The following PCDHGA4 variants were observed in gnomAD, a reference collection of about 807,000 sequenced individuals.
PCDHGA4 encodes the protein protocadherin gamma subfamily A, 4, also known as protocadherin gamma-A4.
PCDHGA4 carries 38 observed loss-of-function variants against 54.6 expected under a neutral mutation model. The ratio of observed to expected loss-of-function variants is 0.70; its 90% CI spans 0.54 to 0.91. The LOEUF is 0.91. Among genes scored for constraint, PCDHGA4 ranks in the 40% least tolerant of loss-of-function variants. The pLI is 0.00. For missense variants in PCDHGA4, 1,298 were observed against 1,220.9 expected (o/e 1.06, Z -0.94); for synonymous variants, 511 against 512.9 (o/e 1.00, Z 0.05).
In PCDHGA4 at chr5:141,357,499, C is replaced by T. The variant is rs781648903; in HGVS notation, c.2392C>T (p.His798Tyr). The change falls in exon 1 of 4, where the codon CAC becomes TAC. Residue 798 changes from histidine to tyrosine, a missense_variant. Coordinates refer to ENST00000571252, the MANE Select transcript of PCDHGA4 (RefSeq NM_018917.4). Reference protein sequence around the residue: ...VSLTADSRKSHLIFSQPSYAD... With the variant: ...VSLTADSRKSYLIFSQPSYAD... The stretch of plus-strand genomic sequence containing the variant: ...CCTCACCGCGGACTCGCGGAAGAGT[C>T]ACCTGATCTTCTCCCAACCCAGCTA... The T allele has an allele frequency of 1.9e-6, 3 of 1,614,256 alleles. No individual in the cohort carries two copies. In the South Asian group the frequency reaches 3.3e-5, roughly 18 times the overall value.
chr5:141,375,639 C>T (rs1364618927), intron 1 of PCDHGA4: 2 of 1,614,126 alleles, frequency 1.2e-6, no homozygotes, highest in Non-Finnish European at 1.7e-6. Flanking sequence ...GCCCTGCGCT[C>T]CTTCGACTAT....
intron 1 of PCDHGA4, chr5:141,392,852 G>C: frequency 6.2e-7 from 1 of 1,611,984 alleles, no homozygotes; most frequent in East Asian, 2.2e-5. Flanking sequence ...GCGGCGAGCT[G>C]ATCCTGCTGT....
Position 141,400,095 on chromosome 5 carries a change from G to A in PCDHGA4, c.2514+42474G>A, listed in dbSNP as rs6873830. ...CGCCACTCTCCGCCACCGCCACGCT[G>A]CACTTGGTCTTTGCTGACAGCTTGC... On this transcript the variant is annotated intron_variant, in intron 1 of 3. Coordinates refer to ENST00000571252, the MANE Select transcript of PCDHGA4 (RefSeq NM_018917.4). 3.0e-3 allele frequency: 4,838 copies of A among 1,614,064 alleles called. 144 individuals are homozygous for A. The African/African-American group carries it at 0.056, about 19-fold the overall frequency.
chr5:141,497,512 T>C (rs903352739), intron 2 of PCDHGA4, among the ~76,000 whole-genome samples: 2 of 151,896 alleles, frequency 1.3e-5, no homozygotes, highest in Admixed American at 1.3e-4. Flanking sequence ...TCTGCTTCCT[T>C]AGTTAACTTG....
rs778052844 is a variant in PCDHGA4, at chr5:141,486,259, T to C, written c.2515-8548T>C. ...CAGAGCTTGGAACCCTCCCCGAGAG[T>C]GCAGAACCTGGCACTGTGGTGGCAC... is the stretch of plus-strand genomic sequence containing the variant. On this transcript the variant is annotated intron_variant, in intron 1 of 3. Coordinates refer to ENST00000571252, the MANE Select transcript of PCDHGA4 (RefSeq NM_018917.4). This position sits in a 1 kb window ranked among gnomAD's most constrained non-coding sequence, Gnocchi z 5.0. 1 of 1,613,204 alleles carries C rather than the reference T, an allele frequency of 6.2e-7. No individual in the cohort carries two copies. The highest frequency in any genetic ancestry group is 8.5e-7 in the Non-Finnish European group (1 of 1,179,716).
At chr5:141,375,155 G>T in intron 1 of PCDHGA4, 1 of 1,613,962 alleles carries the variant, frequency 6.2e-7, no homozygotes, top group South Asian at 1.1e-5. Context: ...AACAATTGCT[G>T]AAAGTGCACC....
chr5:141,494,925 G>T (rs936071950), intron 2 of PCDHGA4, 60 bp downstream of exon 2: 1 of 1,613,316 alleles, frequency 6.2e-7, no homozygotes. Flanking sequence ...GGGATGACGT[G>T]GGAGGAGATG....
At chr5:141,423,750 TGGGGGGGG>T in intron 1 of PCDHGA4, 1 of 287,524 alleles carries the variant, frequency 3.5e-6, no homozygotes, top group Non-Finnish European at 4.5e-6. Flanking sequence ...GAAAACTGTT[TGGGGGGGG>T]GGTGGGGCGG....
intron 1 of PCDHGA4, among the ~76,000 whole-genome samples, chr5:141,386,304 C>T (rs1239396408): frequency 6.6e-6 from 1 of 152,104 alleles, no homozygotes; most frequent in African/African-American, 2.4e-5. Flanking sequence ...TAGTAAAGCT[C>T]AGTATATCAA....
chr5:141,433,361 A>ATCTATCTATCTC, intron 1 of PCDHGA4: 1 of 297,578 alleles, frequency 3.4e-6, no homozygotes, highest in Non-Finnish European at 6.3e-6. Context: ...CTGTCTGCCT[A>ATCTATCTATCTC]TCTATCTATC....
At chr5:141,364,871 G>A (rs775321480) in intron 1 of PCDHGA4, 2 of 1,614,010 alleles carry the variant, frequency 1.2e-6, no homozygotes, top group Admixed American at 1.7e-5. Flanking sequence ...CTTCTCTCTG[G>A]ATGTGGTAAG....
chr5:141,366,422 G>A (rs1334545413), intron 1 of PCDHGA4: 6 of 1,614,152 alleles, frequency 3.7e-6, no homozygotes, highest in South Asian at 1.1e-5. Context: ...GGTGGCAGTG[G>A]CTGCAGTCTC....
intron 1 of PCDHGA4, among the ~76,000 whole-genome samples, chr5:141,448,434 GA>G (rs1297090877): frequency 1.3e-5 from 2 of 152,050 alleles, no homozygotes; most frequent in South Asian, 4.2e-4. Flanking sequence ...TATATATTGA[GA>G]AGTCTGACTT....
In PCDHGA4 at chr5:141,421,902, C is replaced by T. The variant is rs1218675162; in HGVS notation, c.2514+64281C>T. 4 of 1,613,706 alleles carry T rather than the reference C, an allele frequency of 2.5e-6. No homozygotes were observed. The South Asian group carries it at 3.3e-5, about 13-fold the overall frequency. On this transcript the variant is annotated intron_variant, in intron 1 of 3. Coordinates refer to ENST00000571252, the MANE Select transcript of PCDHGA4 (RefSeq NM_018917.4). Reference sequence around the variant, plus strand: ...ATGGAGGCGATCCCATCCGAAAGGGCGCAGTTCCCATTCGTGTGGTGGTCC... The same window carrying T: ...ATGGAGGCGATCCCATCCGAAAGGGTGCAGTTCCCATTCGTGTGGTGGTCC...
intron 1 of PCDHGA4, among the ~76,000 whole-genome samples, chr5:141,448,393 A>G (rs190525499): frequency 6.6e-6 from 1 of 152,306 alleles, no homozygotes; most frequent in Admixed American, 6.5e-5. Flanking sequence ...ATACATTTAC[A>G]TGGTTTTAAA....
chr5:141,400,048 G>A (rs760963865), intron 1 of PCDHGA4: 3 of 1,613,664 alleles, frequency 1.9e-6, no homozygotes, highest in Non-Finnish European at 2.5e-6. Context: ...CCTGCTGGTT[G>A]CTGTGCGTGA....
At chr5:141,398,928 T>C in intron 1 of PCDHGA4, 4 of 1,613,962 alleles carry the variant, frequency 2.5e-6, no homozygotes, top group Non-Finnish European at 3.4e-6. Flanking sequence ...TGTCAGCCAC[T>C]GACCAAGACG....
At chr5:141,424,726 T>C (rs1041673348) in intron 1 of PCDHGA4, 7 of 152,218 alleles carry the variant, frequency 4.6e-5, no homozygotes, top group African/African-American at 4.8e-5. Context: ...TTGGGAGTCA[T>C]AGATTCCTTC....
chr5:141,453,201 C>T (rs115660512), intron 1 of PCDHGA4, among the ~76,000 whole-genome samples: 2,052 of 152,204 alleles, frequency 0.013, 46 homozygotes, highest in African/African-American at 0.048. Flanking sequence ...GCAGCCTCAA[C>T]CTCGTGCACT....
Sources: allele counts gnomAD v4.1 joint callset (sites outside exome capture counted in the v4.1 genomes callset), GRCh38; gene constraint gnomAD v4.1.1; non-coding constraint Gnocchi (gnomAD v3.1); transcripts MANE v1.5; gene names NCBI Gene and HGNC (gene_info 2026-07-23, HGNC 2026-07-21).